The following OTOA variants were observed in gnomAD, a reference collection of about 807,000 sequenced individuals.
The protein encoded by OTOA is cancer/testis antigen 108.
Under a neutral mutation model 110.8 loss-of-function variants are expected in OTOA, and 70 were observed. The observed-to-expected ratio is 0.63, with a 90% CI of 0.52 to 0.77. OTOA has a LOEUF of 0.77. Among genes scored for constraint, OTOA ranks in the 30% least tolerant of loss-of-function variants. The pLI is 0.00. For synonymous variants in OTOA, 373 were observed against 431.5 expected, an observed-to-expected ratio of 0.86 and a Z score of 1.68; for missense variants, 917 against 1,075.8, an observed-to-expected ratio of 0.85 and a Z score of 2.06.
chr16:21,681,641 G>A, intron 5 of OTOA, 97 bp from the exon 6 acceptor site: 1 of 957,156 alleles, frequency 1.0e-6, no homozygotes. Flanking sequence ...AACACCCCTG[G>A]TCCATCCCTA....
chr16:21,736,384 A>G lies in OTOA; in HGVS notation c.2425A>G (p.Met809Val), dbSNP rs773119835. Residue 809 changes from methionine (M) to valine (V), a missense_variant, in exon 22 of 29, where the codon ATG becomes GTG. Around this residue, in one of 6 missense-constraint regions of OTOA, gnomAD observed 57 missense variants for 59.7 expected, o/e 0.96. Coordinates refer to ENST00000646100, the MANE Select transcript of OTOA (RefSeq NM_144672.4). ...TGATAAGATCCCCAGCTATGACCCTATGCCTGGTGAGTGTTTTCAGGGTAT... is the reference window on the plus strand; with the variant it reads ...TGATAAGATCCCCAGCTATGACCCTGTGCCTGGTGAGTGTTTTCAGGGTAT... ...SSDKIPSYDP[M>V]PGCHGVVAPS... The G allele has an allele frequency of 1.9e-6, 3 of 1,614,106 alleles. No homozygotes were observed. The highest frequency in any genetic ancestry group is 1.6e-4 in the Middle Eastern group (1 of 6,062).
chr16:21,711,232 C>T (rs1017041961), intron 13 of OTOA, among the ~76,000 whole-genome samples: 4 of 152,076 alleles, frequency 2.6e-5, no homozygotes, highest in African/African-American at 7.2e-5. Context: ...AAAGTAATTG[C>T]GGTTTTTGCC....
At chr16:21,664,801 A>G (rs1223473511) in intron 1 of OTOA, among the ~76,000 whole-genome samples, 1 of 151,784 alleles carries the variant, frequency 6.6e-6, no homozygotes, top group African/African-American at 2.4e-5. Context: ...GTGAAATTCC[A>G]TCTCTACTAA....
At chr16:21,706,445 G>A (rs1898171064) in intron 12 of OTOA, among the ~76,000 whole-genome samples, 2 of 152,192 alleles carry the variant, frequency 1.3e-5, no homozygotes, top group Admixed American at 6.5e-5. Flanking sequence ...TGATGTTATT[G>A]TTCTGGGGTG....
chr16:21,710,749 T>A (rs1430815742), intron 13 of OTOA, among the ~76,000 whole-genome samples: 2 of 152,154 alleles, frequency 1.3e-5, no homozygotes. Context: ...ACACCTGCAA[T>A]CCCAGCACTT....
intron 18 of OTOA, 101 bp downstream of exon 18, chr16:21,723,079 C>T (rs1898809164): frequency 2.4e-6 from 3 of 1,240,364 alleles, no homozygotes; most frequent in Non-Finnish European, 3.5e-6. Flanking sequence ...CTTCAGGAAC[C>T]AGAGGCAGAG....
At chr16:21,693,417 T>C (rs1156774198) in intron 9 of OTOA, among the ~76,000 whole-genome samples, 2 of 152,218 alleles carry the variant, frequency 1.3e-5, no homozygotes, top group African/African-American at 4.8e-5. Context: ...AAGCCCATTA[T>C]GTATCAATAG....
At chr16:21,667,089 G>C (rs1390322212) in intron 1 of OTOA, among the ~76,000 whole-genome samples, 2 of 152,172 alleles carry the variant, frequency 1.3e-5, no homozygotes, top group African/African-American at 2.4e-5. Flanking sequence ...ACCCAAACCA[G>C]GAAGACTTCT....
rs753252146 is a variant in OTOA, at chr16:21,736,418, T to C, written c.2431+28T>C. 2.7e-5 allele frequency: 43 copies of C among 1,613,808 alleles called. 1 individual carries two copies. The highest frequency in any genetic ancestry group is 1.1e-4 in the South Asian group (10 of 91,082). ...GAGTGTTTTCAGGGTATCTGAGCCA[T>C]TGCTGACATAGTAATTAATGTTTTG... On this transcript the variant is annotated intron_variant, in intron 22 of 28. Coordinates refer to ENST00000646100, the MANE Select transcript of OTOA (RefSeq NM_144672.4).
chr16:21,735,103 T>C (rs1228314231), intron 21 of OTOA, among the ~76,000 whole-genome samples: 1 of 146,278 alleles, frequency 6.8e-6, no homozygotes, highest in East Asian at 2.0e-4. Flanking sequence ...ATCACACCAC[T>C]GTATTCCAGC....
At chr16:21,733,054 A>G (rs1899167147) in intron 21 of OTOA, among the ~76,000 whole-genome samples, 1 of 78,742 alleles carries the variant, frequency 1.3e-5, no homozygotes, top group Admixed American at 1.6e-4. Flanking sequence ...CCCACCCCAG[A>G]CTTCTAGTTC....
chr16:21,717,419 C>T (rs543710535), intron 15 of OTOA, among the ~76,000 whole-genome samples: 31 of 152,080 alleles, frequency 2.0e-4, no homozygotes, highest in African/African-American at 6.3e-4. Context: ...CCAGTCTGGG[C>T]GACAGAGCGA....
chr16:21,682,153 G>A (rs1966902889), intron 6 of OTOA, among the ~76,000 whole-genome samples: 1 of 152,166 alleles, frequency 6.6e-6, no homozygotes, highest in African/African-American at 2.4e-5. Context: ...ACAGAGAAAA[G>A]GCAGCTCTAT....
intron 24 of OTOA, among the ~76,000 whole-genome samples, chr16:21,749,559 G>A (rs1899757317): frequency 6.7e-6 from 1 of 149,222 alleles, no homozygotes; most frequent in Non-Finnish European, 1.5e-5. Flanking sequence ...AGCAAAGAGA[G>A]TTGGGAAGAT....
intron 1 of OTOA, among the ~76,000 whole-genome samples, 199 bp from the exon 2 acceptor site, chr16:21,678,312 G>A (rs1567362609): frequency 6.6e-6 from 1 of 152,048 alleles, no homozygotes; most frequent in Non-Finnish European, 1.5e-5. Context: ...TGGGGGTTTA[G>A]ATGGAGGAAA....
intron 9 of OTOA, among the ~76,000 whole-genome samples, chr16:21,696,060 A>T (rs1207009034): frequency 6.6e-6 from 1 of 150,566 alleles, no homozygotes; most frequent in Non-Finnish European, 1.5e-5. Context: ...ACGCCTGGCT[A>T]ATTTTTGTAG....
In OTOA at chr16:21,701,664, G is replaced by C. The variant is rs539797695; in HGVS notation, c.980+637G>C. On this transcript the variant is annotated intron_variant, in intron 11 of 28. Coordinates refer to ENST00000646100, the MANE Select transcript of OTOA (RefSeq NM_144672.4). ...GACAGAGTCTTGTCCTGTCACCCAGGCTGGAGTGCAGTGATGTGACCTTGG... is the reference window on the plus strand; with the variant it reads ...GACAGAGTCTTGTCCTGTCACCCAGCCTGGAGTGCAGTGATGTGACCTTGG... Among the ~76,000 whole-genome samples the C allele has an allele frequency of 2.0e-5, 3 of 152,128 alleles. No homozygotes were observed. In the East Asian group the frequency reaches 5.8e-4, roughly 29 times the overall value.
intron 13 of OTOA, among the ~76,000 whole-genome samples, chr16:21,712,332 C>T (rs965448984): frequency 3.4e-5 from 5 of 148,684 alleles, no homozygotes; most frequent in Non-Finnish European, 5.9e-5. Context: ...AAGACTCTGT[C>T]TTAAAAAAAA....
chr16:21,706,076 A>G (rs1898161108), intron 12 of OTOA, among the ~76,000 whole-genome samples: 1 of 150,812 alleles, frequency 6.6e-6, no homozygotes, highest in Non-Finnish European at 1.5e-5. Flanking sequence ...ATGACAGAGC[A>G]AGACCCTATC....
Sources: gnomAD v4.1 joint callset for allele counts (sites outside exome capture counted in the v4.1 genomes callset) on GRCh38, gnomAD v4.1.1 for gene constraint, gnomAD v4.1.1 regional missense constraint, MANE v1.5 for transcripts, NCBI Gene and HGNC (gene_info 2026-07-23, HGNC 2026-07-21) for gene names.